AUTS2: variants seen among roughly 807,000 people sequenced by gnomAD.
AUTS2 encodes activator of transcription and developmental regulator AUTS2, also known as autism susceptibility gene 2 protein.
A neutral mutation model predicts 112.4 loss-of-function variants in AUTS2; 17 were observed. That is an observed-to-expected ratio of 0.15 (90% CI 0.10 to 0.23). The LOEUF is 0.23. AUTS2 is among the 10% of genes least tolerant of loss of function. The pLI is 1.00. For missense variants in AUTS2, 1,510 were observed against 1,701.6 expected, an observed-to-expected ratio of 0.89 and a Z score of 1.98; for synonymous variants, 751 against 702.7, an observed-to-expected ratio of 1.07 and a Z score of -1.09.
intron 2 of AUTS2, among the ~76,000 whole-genome samples, chr7:69,986,323 A>T (rs575739046): frequency 2.6e-5 from 4 of 152,320 alleles, no homozygotes; most frequent in African/African-American, 9.6e-5. Context: ...AATGGCCAAA[A>T]CAAGCCCCTG....
chr7:70,485,079 C>T (rs188146879), intron 5 of AUTS2, among the ~76,000 whole-genome samples: 94 of 152,308 alleles, frequency 6.2e-4, no homozygotes, highest in Middle Eastern at 3.4e-3. Flanking sequence ...TATGGAGATT[C>T]CTTAAAGAAC....
chr7:70,483,040 G>A (rs1365752897), intron 5 of AUTS2, among the ~76,000 whole-genome samples: 1 of 152,080 alleles, frequency 6.6e-6, no homozygotes, highest in South Asian at 2.1e-4. Context: ...TTCTTTGTGT[G>A]GGGGGTTGGA....
intron 4 of AUTS2, among the ~76,000 whole-genome samples, chr7:70,184,507 A>T (rs1441918386): frequency 1.3e-5 from 2 of 152,214 alleles, no homozygotes; most frequent in Non-Finnish European, 2.9e-5. Flanking sequence ...CTTGCTTGTA[A>T]TCCTTGTTTT....
intron 1 of AUTS2, among the ~76,000 whole-genome samples, chr7:69,700,323 A>G (rs566926457): frequency 2.0e-4 from 30 of 150,458 alleles, no homozygotes; most frequent in African/African-American, 7.3e-4. Flanking sequence ...GATTATTGCT[A>G]TTTTTTTTTA....
chr7:70,515,813 G>A (rs1048577577), intron 5 of AUTS2, among the ~76,000 whole-genome samples: 9 of 152,030 alleles, frequency 5.9e-5, no homozygotes, highest in African/African-American at 1.9e-4. Flanking sequence ...TTTGAAAAAT[G>A]TTAAGAGGAA....
chr7:69,784,061 T>C (rs887673627), intron 1 of AUTS2, among the ~76,000 whole-genome samples: 3 of 152,190 alleles, frequency 2.0e-5, no homozygotes, highest in Non-Finnish European at 4.4e-5. Flanking sequence ...GGGCATGCTT[T>C]TCAGGGTGAG....
rs556786128 is a variant in AUTS2 at position 69,860,736 on chromosome 7, A to G, written c.310-38550A>G. ...TAAAGTAAGCTCTCTAATTATGCCA[A>G]TGCCATTGACTCACCAAGTAGGATG... On this transcript the variant is annotated intron_variant, in intron 1 of 18. Coordinates refer to ENST00000342771, the MANE Select transcript of AUTS2 (RefSeq NM_015570.4). Among the ~76,000 whole-genome samples, 7 of 152,298 alleles carry G rather than the reference A, an allele frequency of 4.6e-5. No homozygotes were observed. The East Asian group carries it at 1.3e-3, about 29-fold the overall frequency.
chr7:70,677,830 T>C lies in AUTS2; in HGVS notation c.691-20739T>C, dbSNP rs187264878. 6.5e-3 allele frequency among the ~76,000 whole-genome samples: 971 copies of C among 150,232 alleles called. 36 individuals carry two copies. The East Asian group carries it at 0.07, about 11-fold the overall frequency. On this transcript the variant is annotated intron_variant, in intron 5 of 18. Transcript: ENST00000342771. ...CAGGCGCGGTGGCTGACGCCTATAATCCCAGCACTTTGGGAGGCCGAGGCG... is the reference window on the plus strand; with the variant it reads ...CAGGCGCGGTGGCTGACGCCTATAACCCCAGCACTTTGGGAGGCCGAGGCG...
intron 5 of AUTS2, among the ~76,000 whole-genome samples, chr7:70,587,739 C>A (rs1391109158): frequency 1.3e-5 from 2 of 152,216 alleles, no homozygotes; most frequent in African/African-American, 4.8e-5. Context: ...AGGTCAAAAA[C>A]AGTCAAATAT....
At chr7:69,925,251 T>G (rs1404386340) in intron 2 of AUTS2, among the ~76,000 whole-genome samples, 1 of 152,176 alleles carries the variant, frequency 6.6e-6, no homozygotes, top group East Asian at 1.9e-4. Flanking sequence ...TCTCTGTTGT[T>G]TTATATTTCA....
intron 4 of AUTS2, among the ~76,000 whole-genome samples, chr7:70,284,862 A>G (rs1275969344): frequency 1.3e-5 from 2 of 152,202 alleles, no homozygotes; most frequent in Non-Finnish European, 2.9e-5. Context: ...GAGGTCCAGG[A>G]TTGTTCTGAG....
intron 4 of AUTS2, among the ~76,000 whole-genome samples, chr7:70,301,990 C>T (rs1303024469): frequency 2.6e-5 from 4 of 151,898 alleles, no homozygotes; most frequent in Admixed American, 6.6e-5. Context: ...ATTGCCCAGG[C>T]TTATCTGGAA....
intron 2 of AUTS2, among the ~76,000 whole-genome samples, chr7:70,106,053 T>C (rs1027274021): frequency 6.6e-6 from 1 of 152,258 alleles, no homozygotes; most frequent in Non-Finnish European, 1.5e-5. Flanking sequence ...TGGTTCTCTT[T>C]ACGTTTCCTT....
intron 2 of AUTS2, among the ~76,000 whole-genome samples, chr7:70,046,077 G>A (rs1302683678): frequency 6.6e-6 from 1 of 152,066 alleles, no homozygotes; most frequent in East Asian, 1.9e-4. Flanking sequence ...ACCAAAATTA[G>A]CAACAATATA....
At chr7:69,722,458 C>T (rs962042785) in intron 1 of AUTS2, among the ~76,000 whole-genome samples, 22 of 150,476 alleles carry the variant, frequency 1.5e-4, no homozygotes, top group African/African-American at 4.9e-4. Flanking sequence ...CTCACTGCAA[C>T]CTCCGCCTTC....
At chr7:70,527,297 G>A (rs907240658) in intron 5 of AUTS2, among the ~76,000 whole-genome samples, 1 of 152,186 alleles carries the variant, frequency 6.6e-6, no homozygotes, top group African/African-American at 2.4e-5. Context: ...AGTTTCTCCA[G>A]CAACATTTGG....
intron 4 of AUTS2, among the ~76,000 whole-genome samples, chr7:70,429,751 T>C (rs1000815080): frequency 3.7e-4 from 56 of 152,228 alleles, no homozygotes; most frequent in Admixed American, 3.7e-3. Flanking sequence ...ATATTTGTTT[T>C]TCTTTTTCAT....
At chr7:69,824,210 G>A (rs777556449) in intron 1 of AUTS2, among the ~76,000 whole-genome samples, 1 of 152,052 alleles carries the variant, frequency 6.6e-6, no homozygotes, top group Admixed American at 6.5e-5. Flanking sequence ...TCAGGAGTTC[G>A]AGACCATCCT....
Position 70,205,154 on chromosome 7 carries a change from C to T in AUTS2, c.660+70583C>T, listed in dbSNP as rs960367490. Among the ~76,000 whole-genome samples the T allele has an allele frequency of 2.0e-5, 3 of 152,120 alleles. No individual in the cohort carries two copies. The East Asian group carries it at 5.8e-4, about 29-fold the overall frequency. ...AACCCAGAGTGAATGGATCTTCCTGCCTCAGCCTCCCAAGAAGCTGGGACT... is the reference window on the plus strand; with the variant it reads ...AACCCAGAGTGAATGGATCTTCCTGTCTCAGCCTCCCAAGAAGCTGGGACT... On this transcript the variant is annotated intron_variant, in intron 4 of 18. Coordinates refer to ENST00000342771, the MANE Select transcript of AUTS2 (RefSeq NM_015570.4).
Sources: gnomAD v4.1 joint callset for allele counts (sites outside exome capture counted in the v4.1 genomes callset) on GRCh38, gnomAD v4.1.1 for gene constraint, MANE v1.5 for transcripts, NCBI Gene and HGNC (gene_info 2026-07-23, HGNC 2026-07-21) for gene names.